Variants in ZNF846 observed in about 807,000 individuals in gnomAD.
The protein encoded by ZNF846 is zinc finger protein 846, also known as zinc finger protein 420 pseudogene.
Under a neutral mutation model 16.0 loss-of-function variants are expected in ZNF846, and 15 were observed. That is an observed-to-expected ratio of 0.94 (90% CI 0.63 to 1.45). The LOEUF (loss-of-function observed/expected upper bound fraction) is 1.45, where lower values mean the gene tolerates loss of function less well. Among genes scored for constraint, ZNF846 ranks in the 40% most tolerant of loss-of-function variants. The pLI, the probability that ZNF846 is intolerant of heterozygous loss-of-function variation, is 0.00. For missense variants in ZNF846, 714 were observed against 622.3 expected (o/e 1.15, Z -1.57); for synonymous variants, 229 against 212.0 (o/e 1.08, Z -0.70).
At chr19:9,777,476 T>G (rs2045458259) in intron 1 of ZNF846, among the ~76,000 whole-genome samples, 1 of 151,246 alleles carries the variant, frequency 6.6e-6, no homozygotes, top group Non-Finnish European at 1.5e-5. Flanking sequence ...ATCGAGACCA[T>G]CCTGGCCAAC....
chr19:9,761,090 T>C (rs2045219953), intron 4 of ZNF846, among the ~76,000 whole-genome samples: 1 of 148,336 alleles, frequency 6.7e-6, no homozygotes. Flanking sequence ...TCCCAACTAC[T>C]CAGAAGGCTG....
chr19:9,782,318 T>C (rs1355042935), intron 1 of ZNF846, among the ~76,000 whole-genome samples: 1 of 152,112 alleles, frequency 6.6e-6, no homozygotes, highest in African/African-American at 2.4e-5. Context: ...CAGGCTAGAG[T>C]GCAGTGGTGC....
At chr19:9,783,038 C>A (rs1241599061) in intron 1 of ZNF846, among the ~76,000 whole-genome samples, 2 of 151,838 alleles carry the variant, frequency 1.3e-5, no homozygotes, top group Non-Finnish European at 2.9e-5. Flanking sequence ...CCTCCCACCT[C>A]AACCTCCCCA....
At chr19:9,751,272 G>A (rs560535150), downstream of ZNF846, among the ~76,000 whole-genome samples, 97 of 151,634 alleles carry the variant, frequency 6.4e-4, no homozygotes, top group Non-Finnish European at 1.2e-3. Flanking sequence ...CCCACTTTAG[G>A]TTCCCACACC....
chr19:9,754,774 C>T (rs977578614), downstream of ZNF846, among the ~76,000 whole-genome samples: 2 of 151,000 alleles, frequency 1.3e-5, no homozygotes, highest in Non-Finnish European at 2.9e-5. Context: ...ACATTACTGC[C>T]TTTTTTGTTG....
At chr19:9,751,271 G>A (rs569723452), downstream of ZNF846, among the ~76,000 whole-genome samples, 33 of 152,098 alleles carry the variant, frequency 2.2e-4, no homozygotes, top group African/African-American at 7.7e-4. Flanking sequence ...TCCCACTTTA[G>A]GTTCCCACAC....
chr19:9,752,811 T>C (rs555973742), downstream of ZNF846, among the ~76,000 whole-genome samples: 1 of 152,292 alleles, frequency 6.6e-6, no homozygotes, highest in Admixed American at 6.5e-5. Context: ...GGCTTAGTCT[T>C]TGAGATCTTT....
At chr19:9,757,867 T>C in exon 6 of ZNF846, 1 of 1,613,458 alleles carries the variant, frequency 6.2e-7, no homozygotes, top group Non-Finnish European at 8.5e-7. Flanking sequence ...GAGGAATTAT[T>C]AAAGGCTTTC....
chr19:9,756,382 T>TATATATATATATATATAC (rs1411472302), downstream of ZNF846: 1 of 119,526 alleles, frequency 8.4e-6, no homozygotes, highest in African/African-American at 3.1e-5. Context: ...TATATATATA[T>TATATATATATATATATAC]ATAAAGACAT....
At chr19:9,771,653 G>A (rs968850776), upstream of ZNF846, among the ~76,000 whole-genome samples, 5 of 152,136 alleles carry the variant, frequency 3.3e-5, no homozygotes, top group African/African-American at 1.2e-4. Context: ...GTGGTATTCT[G>A]TGGTGTATAT....
At chr19:9,757,691 G>T in exon 6 of ZNF846, 1 of 1,613,032 alleles carries the variant, frequency 6.2e-7, no homozygotes, top group Non-Finnish European at 8.5e-7. Flanking sequence ...TAAGATTTGT[G>T]GAACGAGCAA....
chr19:9,751,667 C>G (rs1044441957), downstream of ZNF846, among the ~76,000 whole-genome samples: 2 of 151,864 alleles, frequency 1.3e-5, no homozygotes, highest in Non-Finnish European at 2.9e-5. Flanking sequence ...TCCTCCCCGC[C>G]CTTGTGAATG....
At chr19:9,754,352 G>C, downstream of ZNF846, among the ~76,000 whole-genome samples, 1 of 151,266 alleles carries the variant, frequency 6.6e-6, no homozygotes, top group East Asian at 1.9e-4. Context: ...ATCACCTGAA[G>C]TCAGGAGTTT....
rs1289094007 is a variant in ZNF846, at chr19:9,763,164, T to C, written c.142+118A>G. 11 of 845,972 alleles carry C rather than the reference T, an allele frequency of 1.3e-5. No individual in the cohort carries two copies. The East Asian group carries it at 3.0e-4, about 23-fold the overall frequency. The allele number at this position is 845,972 out of a possible 1,614,324, so 52.4% of individuals were successfully genotyped here. Reference sequence around the variant, plus strand: ...TGTCTCAAAAAAAAAAAAAAAGGAATGTCCACTGGCCAAGGTCCATGCCTG... The same window carrying C: ...TGTCTCAAAAAAAAAAAAAAAGGAACGTCCACTGGCCAAGGTCCATGCCTG... On this transcript the variant is annotated intron_variant, in intron 3 of 5. Transcript: ENST00000397902.
chr19:9,785,219 T>TTC (rs1215500858), intron 1 of ZNF846, among the ~76,000 whole-genome samples: 3 of 148,958 alleles, frequency 2.0e-5, no homozygotes, highest in African/African-American at 7.6e-5. Flanking sequence ...TTTTTTTTTT[T>TTC]TTGAGACGGA....
chr19:9,758,721 G>A (rs762353787), exon 6 of ZNF846: 1 of 1,605,270 alleles, frequency 6.2e-7, no homozygotes, highest in Non-Finnish European at 8.5e-7. Context: ...GACTTTTCCA[G>A]AATGGTTAGA....
chr19:9,772,153 A>G (rs955008924), upstream of ZNF846, among the ~76,000 whole-genome samples: 1 of 152,226 alleles, frequency 6.6e-6, no homozygotes, highest in African/African-American at 2.4e-5. Flanking sequence ...GTCAACCATC[A>G]TTAGACTGTA....
intron 1 of ZNF846, among the ~76,000 whole-genome samples, chr19:9,784,232 G>A (rs190379251): frequency 3.0e-4 from 46 of 152,334 alleles, no homozygotes; most frequent in African/African-American, 1.1e-3. Flanking sequence ...AGTTCCCTCA[G>A]TATTTATTGA....
intron 2 of ZNF846, among the ~76,000 whole-genome samples, chr19:9,763,942 T>G (rs932429210): frequency 6.6e-6 from 1 of 152,190 alleles, no homozygotes; most frequent in Non-Finnish European, 1.5e-5. Context: ...AATACAAAAT[T>G]GCATGCAGGA....
Sources: gnomAD v4.1 joint callset for allele counts (sites outside exome capture counted in the v4.1 genomes callset) on GRCh38, gnomAD v4.1.1 for gene constraint, MANE v1.5 for transcripts, NCBI Gene and HGNC (gene_info 2026-07-23, HGNC 2026-07-21) for gene names.